The following ATP8A2 variants were observed in gnomAD, a reference collection of about 807,000 sequenced individuals.
ATP8A2 encodes ATPase phospholipid transporting 8A2, also known as phospholipid-transporting ATPase IB.
ATP8A2 carries 100 observed loss-of-function variants against 165.6 expected under a neutral mutation model. The observed-to-expected ratio is 0.60, with a 90% confidence interval of 0.51 to 0.71. The LOEUF (loss-of-function observed/expected upper bound fraction) is 0.71. Ranked by LOEUF, ATP8A2 falls within the 30% of genes least tolerant of loss-of-function variation. The pLI is 0.00. For missense variants in ATP8A2, 1,227 were observed against 1,479.5 expected (o/e 0.83, Z 2.80); for synonymous variants, 543 against 548.8 (o/e 0.99, Z 0.15).
intron 1 of ATP8A2, among the ~76,000 whole-genome samples, chr13:25,411,690 T>C (rs983274684): frequency 6.6e-6 from 1 of 152,204 alleles, no homozygotes; most frequent in African/African-American, 2.4e-5. Flanking sequence ...CATGTTTATT[T>C]GTGTACACAT....
At chr13:25,490,097 G>A (rs1324483428) in intron 2 of ATP8A2, among the ~76,000 whole-genome samples, 4 of 152,176 alleles carry the variant, frequency 2.6e-5, no homozygotes, top group East Asian at 1.9e-4. Context: ...TTAGCTTTTC[G>A]GGTATATTTG....
intron 36 of ATP8A2, among the ~76,000 whole-genome samples, chr13:26,013,053 G>T (rs1190460564): frequency 3.9e-5 from 6 of 151,946 alleles, no homozygotes; most frequent in Admixed American, 2.0e-4. Context: ...TAAGCCTGGC[G>T]TCCCCCTGCC....
At chr13:26,001,017 G>A (rs545669999) in intron 35 of ATP8A2, among the ~76,000 whole-genome samples, 53 of 152,254 alleles carry the variant, frequency 3.5e-4, no homozygotes, top group Middle Eastern at 3.4e-3. Flanking sequence ...TATGTGTGAC[G>A]CAGTCCTTCC....
intron 1 of ATP8A2, among the ~76,000 whole-genome samples, chr13:25,405,379 A>C (rs1267893419): frequency 6.6e-6 from 1 of 152,236 alleles, no homozygotes. Flanking sequence ...TTATGTATCC[A>C]GTTAAATTAG....
At chr13:25,698,202 C>T (rs985396540) in intron 24 of ATP8A2, among the ~76,000 whole-genome samples, 16 of 150,062 alleles carry the variant, frequency 1.1e-4, no homozygotes, top group Non-Finnish European at 1.9e-4. Context: ...GTCATAAATT[C>T]ACTGTGAAAA....
chr13:25,975,180 G>A (rs1359121185), intron 35 of ATP8A2, among the ~76,000 whole-genome samples: 1 of 152,108 alleles, frequency 6.6e-6, no homozygotes, highest in Non-Finnish European at 1.5e-5. Context: ...CCTTGTCCTG[G>A]GAACAAATGC....
intron 28 of ATP8A2, among the ~76,000 whole-genome samples, chr13:25,836,730 C>G (rs1240441432): frequency 6.6e-6 from 1 of 152,096 alleles, no homozygotes; most frequent in Non-Finnish European, 1.5e-5. Flanking sequence ...TTGTAAATGT[C>G]TGTTGAATGA....
intron 17 of ATP8A2, 59 bp from the exon 18 acceptor site, chr13:25,571,551 A>G (rs1007129213): frequency 4.6e-6 from 6 of 1,307,934 alleles, no homozygotes; most frequent in Non-Finnish European, 5.5e-6. Flanking sequence ...AAGTGACACT[A>G]AACAGAATTC....
At chr13:25,672,520 G>A (rs1348058436) in intron 24 of ATP8A2, among the ~76,000 whole-genome samples, 2 of 152,090 alleles carry the variant, frequency 1.3e-5, no homozygotes, top group Admixed American at 1.3e-4. Context: ...AAAACTCTAA[G>A]GAATTGGTTT....
At chr13:25,470,978 G>A (rs2137531440) in intron 2 of ATP8A2, among the ~76,000 whole-genome samples, 1 of 152,230 alleles carries the variant, frequency 6.6e-6, no homozygotes, top group Non-Finnish European at 1.5e-5. Context: ...AGGTTGGGGG[G>A]AAATGGGGAA....
At chr13:25,564,076 G>A in intron 16 of ATP8A2, 45 bp downstream of exon 16, 1 of 1,410,678 alleles carries the variant, frequency 7.1e-7, no homozygotes, top group Non-Finnish European at 1.0e-6. Context: ...AGCTTACGGT[G>A]CAACTTTCTT....
At chr13:25,436,086 T>A (rs1317180699) in intron 1 of ATP8A2, among the ~76,000 whole-genome samples, 8 of 152,082 alleles carry the variant, frequency 5.3e-5, no homozygotes, top group African/African-American at 1.9e-4. Context: ...TTTGGCTTGT[T>A]AATAGATTTT....
chr13:25,851,032 C>T (rs1951994365), intron 30 of ATP8A2, among the ~76,000 whole-genome samples: 1 of 152,038 alleles, frequency 6.6e-6, no homozygotes, highest in South Asian at 2.1e-4. Flanking sequence ...TTGGCAAGTC[C>T]CAGAATCTCA....
chr13:25,607,502 CA>C lies in ATP8A2; in HGVS notation c.2211+17809del, dbSNP rs535963545. Among the ~76,000 whole-genome samples, 877 of 151,860 alleles carry C rather than the reference CA, an allele frequency of 5.8e-3. 7 individuals carry two copies. The highest frequency in any genetic ancestry group is 0.02 in the African/African-American group (833 of 41,214). ...TACTCTGATAAACCGATTGTTAAGT[CA>C]AAAAATCGTAAGTTAAACCATCAAA... On this transcript the variant is annotated intron_variant, in intron 24 of 36. Coordinates refer to ENST00000381655, the MANE Select transcript of ATP8A2 (RefSeq NM_016529.6).
chr13:25,678,867 A>G (rs1469267213), intron 24 of ATP8A2, among the ~76,000 whole-genome samples: 3 of 152,216 alleles, frequency 2.0e-5, no homozygotes, highest in African/African-American at 7.2e-5. Context: ...AAAGCGATGT[A>G]TGTGAAAGCA....
intron 1 of ATP8A2, among the ~76,000 whole-genome samples, chr13:25,445,965 A>G (rs2035057037): frequency 1.3e-5 from 2 of 152,148 alleles, no homozygotes; most frequent in Non-Finnish European, 2.9e-5. Flanking sequence ...TCAGATTCCT[A>G]TCTATGAAAT....
chr13:25,404,927 A>G (rs2033752568), intron 1 of ATP8A2, among the ~76,000 whole-genome samples: 1 of 152,136 alleles, frequency 6.6e-6, no homozygotes, highest in Non-Finnish European at 1.5e-5. Context: ...TGAAACCTCA[A>G]CATCTAAGGG....
At chr13:25,534,062 A>G in intron 6 of ATP8A2, 1 of 449,036 alleles carries the variant, frequency 2.2e-6, no homozygotes, top group South Asian at 1.7e-5. Flanking sequence ...CTTGCTAAAT[A>G]AACATTTAAT....
intron 6 of ATP8A2, among the ~76,000 whole-genome samples, chr13:25,533,838 T>C (rs1034535511): frequency 4.6e-5 from 7 of 152,184 alleles, no homozygotes; most frequent in African/African-American, 1.7e-4. Flanking sequence ...TGGTTGTTTA[T>C]GGTGATGAGT....
Sources: allele counts gnomAD v4.1 joint callset (sites outside exome capture counted in the v4.1 genomes callset), GRCh38; gene constraint gnomAD v4.1.1; transcripts MANE v1.5; gene names NCBI Gene and HGNC (gene_info 2026-07-23, HGNC 2026-07-21).